ABCC4: variants seen among roughly 807,000 people sequenced by gnomAD.
ABCC4 encodes ATP binding cassette subfamily C member 4 (PEL blood group), also known as ATP-binding cassette sub-family C member 4.
Under a neutral mutation model 168.5 loss-of-function variants are expected in ABCC4, and 102 were observed. The observed-to-expected ratio is 0.61, with a 90% CI of 0.52 to 0.71. The LOEUF (loss-of-function observed/expected upper bound fraction) is 0.71. Ranked by LOEUF, ABCC4 falls within the 30% of genes least tolerant of loss-of-function variation. The pLI is 0.00. For synonymous variants in ABCC4, 617 were observed against 590.7 expected (o/e 1.04, Z -0.65); for missense variants, 1,402 against 1,605.8 (o/e 0.87, Z 2.17).
At position 95,250,757 on chromosome 13, in the gene ABCC4, C is replaced by CT. The variant is rs66485168; in HGVS notation, c.75-3005dup. Among the ~76,000 whole-genome samples, 179 of 78,864 alleles carry CT rather than the reference C, an allele frequency of 2.3e-3. 2 individuals are homozygous for CT. The highest frequency in any genetic ancestry group is 5.9e-3 in the African/African-American group (119 of 20,234). 51.7% of individuals were successfully genotyped at this position (78,864 alleles called of 152,430 possible). A position where few individuals can be genotyped will look rare whatever the true frequency, so the allele number is the denominator to read the frequency against. The stretch of plus-strand genomic sequence containing the variant: ...TTTGAGAAGTTCTGAATACTGGTTT[C>CT]TTTTTTTTTTTTTTTTTTTTTTTTT... On this transcript the variant is annotated intron_variant, in intron 1 of 30. Coordinates refer to ENST00000645237, the MANE Select transcript of ABCC4 (RefSeq NM_005845.5).
intron 1 of ABCC4, among the ~76,000 whole-genome samples, chr13:95,248,212 A>G (rs1321963339): frequency 1.3e-5 from 2 of 152,236 alleles, no homozygotes; most frequent in African/African-American, 4.8e-5. Context: ...GTGATAATGG[A>G]AGCATCCAAA....
intron 19 of ABCC4, among the ~76,000 whole-genome samples, chr13:95,122,900 C>T (rs1249679204): frequency 6.6e-6 from 1 of 152,174 alleles, no homozygotes; most frequent in Non-Finnish European, 1.5e-5. Context: ...TGCCTGTAGT[C>T]CCAGGACTGT....
chr13:95,030,931 A>T (rs2031850914), intron 30 of ABCC4, among the ~76,000 whole-genome samples: 2 of 152,226 alleles, frequency 1.3e-5, no homozygotes, highest in African/African-American at 4.8e-5. Flanking sequence ...GTCAAAAGAG[A>T]GACTCAGCTT....
At chr13:95,178,118 G>A in intron 11 of ABCC4, 27 bp from the exon 12 acceptor site, 1 of 1,591,304 alleles carries the variant, frequency 6.3e-7, no homozygotes, top group Non-Finnish European at 8.6e-7. Flanking sequence ...AAGAAGGGGG[G>A]AAAAAGAGAC....
intron 30 of ABCC4, among the ~76,000 whole-genome samples, chr13:95,028,748 G>C (rs1416488907): frequency 1.3e-5 from 2 of 152,018 alleles, no homozygotes; most frequent in East Asian, 1.9e-4. Context: ...ATATAAACTA[G>C]TAAATAAATC....
intron 1 of ABCC4, 92 bp downstream of exon 1, chr13:95,301,149 G>C (rs538715425): frequency 2.4e-6 from 3 of 1,235,144 alleles, no homozygotes; most frequent in South Asian, 3.0e-5. Flanking sequence ...CCCAGCCGCA[G>C]AGGGCTTGGG....
chr13:95,292,263 G>C (rs888096334), intron 1 of ABCC4, among the ~76,000 whole-genome samples: 1 of 152,166 alleles, frequency 6.6e-6, no homozygotes. Flanking sequence ...GGGGGCTGAG[G>C]TGGAAGGATG....
At chr13:95,235,517 T>C (rs2039741651) in intron 3 of ABCC4, among the ~76,000 whole-genome samples, 1 of 152,186 alleles carries the variant, frequency 6.6e-6, no homozygotes, top group Admixed American at 6.5e-5. Context: ...ACTTCCTCTG[T>C]ACCCTTGACA....
At chr13:95,134,630 G>C (rs1256281746) in intron 19 of ABCC4, among the ~76,000 whole-genome samples, 1 of 152,126 alleles carries the variant, frequency 6.6e-6, no homozygotes, top group Non-Finnish European at 1.5e-5. Context: ...TGAGGCAGGA[G>C]AATCACTTGA....
At chr13:95,246,840 G>C in intron 3 of ABCC4, 135 bp downstream of exon 3, 2 of 1,008,270 alleles carry the variant, frequency 2.0e-6, no homozygotes, top group Non-Finnish European at 2.9e-6. Context: ...TTAATCCTTA[G>C]ACCTTAAAAT....
intron 4 of ABCC4, among the ~76,000 whole-genome samples, chr13:95,211,414 G>C: frequency 6.6e-6 from 1 of 152,200 alleles, no homozygotes; most frequent in East Asian, 1.9e-4. Context: ...CGAACTGAGG[G>C]ACACTGGGTG....
intron 1 of ABCC4, among the ~76,000 whole-genome samples, chr13:95,291,490 A>T (rs1226959657): frequency 6.6e-6 from 1 of 152,168 alleles, no homozygotes; most frequent in Non-Finnish European, 1.5e-5. Flanking sequence ...CACAGTGTTG[A>T]TTAGTGGATC....
intron 1 of ABCC4, among the ~76,000 whole-genome samples, chr13:95,265,569 G>A (rs898060357): frequency 6.6e-6 from 1 of 152,128 alleles, no homozygotes; most frequent in East Asian, 1.9e-4. Context: ...CCAGGAATTT[G>A]GGCAAGTAGG....
chr13:95,151,526 GGAA>G (rs2036676259), intron 19 of ABCC4, among the ~76,000 whole-genome samples: 1 of 140,320 alleles, frequency 7.1e-6, no homozygotes, highest in Admixed American at 7.1e-5. Context: ...GAAGGAAGAA[GGAA>G]GAAGAATGAA....
chr13:95,266,071 G>C lies in ABCC4; in HGVS notation c.75-18318C>G, dbSNP rs184885581. 44 of 152,298 alleles carry C rather than the reference G, an allele frequency of 2.9e-4. 1 individual carries two copies. In the East Asian group the frequency reaches 8.3e-3, roughly 29 times the overall value. The allele number at this position is 152,298 out of a possible 1,614,324, so 9.4% of individuals were successfully genotyped here. Reference sequence around the variant, plus strand: ...GGGGGTTTAATGGTGGCCCCAAAAAGATATGCCCAAGTCCTGACCCCCAGT... The same window carrying C: ...GGGGGTTTAATGGTGGCCCCAAAAACATATGCCCAAGTCCTGACCCCCAGT... On this transcript the variant is annotated intron_variant, in intron 1 of 30. Coordinates refer to ENST00000645237, the MANE Select transcript of ABCC4 (RefSeq NM_005845.5).
intron 9 of ABCC4, among the ~76,000 whole-genome samples, chr13:95,192,733 C>CA (rs2038294896): frequency 6.6e-6 from 1 of 152,278 alleles, no homozygotes; most frequent in Non-Finnish European, 1.5e-5. Flanking sequence ...GCCTGGCCAA[C>CA]ATGGGAGAAA....
chr13:95,272,274 G>A (rs1332696486), intron 1 of ABCC4, among the ~76,000 whole-genome samples: 3 of 130,454 alleles, frequency 2.3e-5, no homozygotes, highest in African/African-American at 1.1e-4. Context: ...TCAAACTCCT[G>A]ACCTCAGGTG....
intron 19 of ABCC4, among the ~76,000 whole-genome samples, chr13:95,133,034 CA>C (rs2036024413): frequency 6.6e-6 from 1 of 150,544 alleles, no homozygotes. Flanking sequence ...TTAACGTCAC[CA>C]AACTATATAG....
intron 1 of ABCC4, among the ~76,000 whole-genome samples, chr13:95,282,895 A>G (rs2138922685): frequency 6.6e-6 from 1 of 152,216 alleles, no homozygotes; most frequent in South Asian, 2.1e-4. Context: ...TGGTCATTAC[A>G]TATGTAAAAC....
Sources: gnomAD v4.1 joint callset for allele counts (sites outside exome capture counted in the v4.1 genomes callset) on GRCh38, gnomAD v4.1.1 for gene constraint, MANE v1.5 for transcripts, NCBI Gene and HGNC (gene_info 2026-07-23, HGNC 2026-07-21) for gene names.